The following RBKS variants were observed in gnomAD, a reference collection of about 807,000 sequenced individuals.
RBKS encodes ribokinase.
RBKS carries 33 observed loss-of-function variants against 33.9 expected under a neutral mutation model. The observed-to-expected ratio is 0.97, with a 90% CI of 0.74 to 1.30. The LOEUF is 1.30. RBKS is among the 50% of genes most tolerant of loss of function. The probability of loss-of-function intolerance (pLI) is 0.00; values close to 1 mark genes in which losing one functional copy is unlikely to be tolerated. For missense variants in RBKS, 361 were observed against 392.6 expected, an observed-to-expected ratio of 0.92 and a Z score of 0.68; for synonymous variants, 125 against 143.0, an observed-to-expected ratio of 0.87 and a Z score of 0.90.
At chr2:27,876,915 T>C (rs1664325896) in intron 1 of RBKS, among the ~76,000 whole-genome samples, 2 of 152,206 alleles carry the variant, frequency 1.3e-5, no homozygotes, top group Admixed American at 1.3e-4. Context: ...TTTGTTTTCT[T>C]TTTCAAGGAA....
chr2:27,823,028 T>C (rs1678240811), intron 7 of RBKS, among the ~76,000 whole-genome samples: 1 of 152,208 alleles, frequency 6.6e-6, no homozygotes. Context: ...TCCTAAAATA[T>C]ACCATGCTTA....
At chr2:27,879,582 G>A (rs1664380534) in intron 1 of RBKS, among the ~76,000 whole-genome samples, 1 of 151,982 alleles carries the variant, frequency 6.6e-6, no homozygotes, top group African/African-American at 2.4e-5. Context: ...CCTTGATCTT[G>A]GACTCTCCAT....
intron 7 of RBKS, among the ~76,000 whole-genome samples, chr2:27,786,369 C>T (rs569971474): frequency 2.2e-4 from 33 of 152,264 alleles, no homozygotes; most frequent in South Asian, 1.9e-3. Context: ...GCACCCTGAC[C>T]AGAGTGGAGG....
intron 5 of RBKS, among the ~76,000 whole-genome samples, chr2:27,842,747 C>G (rs191978474): frequency 5.9e-5 from 9 of 152,050 alleles, no homozygotes; most frequent in African/African-American, 2.2e-4. Context: ...ACCTCCACCT[C>G]TAGGGTTCAA....
At chr2:27,887,273 C>T (rs1664553822) in intron 1 of RBKS, among the ~76,000 whole-genome samples, 1 of 152,100 alleles carries the variant, frequency 6.6e-6, no homozygotes, top group African/African-American at 2.4e-5. Flanking sequence ...TGGGCAGCCT[C>T]TGGAAGGTGG....
intron 1 of RBKS, among the ~76,000 whole-genome samples, chr2:27,879,495 C>T (rs1664379133): frequency 6.6e-6 from 1 of 151,950 alleles, no homozygotes; most frequent in African/African-American, 2.4e-5. Context: ...AAGTTTAGCC[C>T]CCTTTTACCT....
chr2:27,783,514 GTC>G (rs1677328034), intron 7 of RBKS, among the ~76,000 whole-genome samples: 1 of 152,174 alleles, frequency 6.6e-6, no homozygotes. Context: ...TCCTGAGAAA[GTC>G]TGTGGACCTG....
intron 2 of RBKS, among the ~76,000 whole-genome samples, chr2:27,852,020 CTG>C (rs1663757430): frequency 6.6e-6 from 1 of 152,168 alleles, no homozygotes. Flanking sequence ...GATAACCTGT[CTG>C]TGTTAACTTG....
chr2:27,888,605 C>G (rs1376173556), intron 1 of RBKS, among the ~76,000 whole-genome samples: 1 of 152,074 alleles, frequency 6.6e-6, no homozygotes, highest in Non-Finnish European at 1.5e-5. Context: ...TATTTTTATA[C>G]AAAATTTAGT....
At chr2:27,787,282 A>T (rs2148180985) in intron 7 of RBKS, among the ~76,000 whole-genome samples, 1 of 152,308 alleles carries the variant, frequency 6.6e-6, no homozygotes, top group Middle Eastern at 3.4e-3. Context: ...AAACATAAAA[A>T]TTAGCTGGGC....
intron 2 of RBKS, 123 bp from the exon 3 acceptor site, chr2:27,848,220 A>C (rs1214013247): frequency 1.8e-6 from 1 of 564,740 alleles, no homozygotes; most frequent in Non-Finnish European, 3.1e-6. Context: ...ACATTAACTA[A>C]TTAATCTTCT....
rs565431244 is a variant in RBKS at position 27,795,035 on chromosome 2, C to G, written c.796-13247G>C. On this transcript the variant is annotated intron_variant, in intron 7 of 7. Transcript: ENST00000302188. The surrounding 1 kb of genome is among the most constrained non-coding windows in gnomAD (Gnocchi z 4.1). ...GGTATCCAGCGCCCTGTGCCAAGACCACCACTGGTTTCTTCTGTTTTCAAC... is the reference window on the plus strand; with the variant it reads ...GGTATCCAGCGCCCTGTGCCAAGACGACCACTGGTTTCTTCTGTTTTCAAC... Among the ~76,000 whole-genome samples, 1 of 152,294 alleles carries G rather than the reference C, an allele frequency of 6.6e-6. No individual in the cohort carries two copies. Among genetic ancestry groups the G allele is most frequent in the South Asian group, 2.1e-4 (1 of 4,830 alleles).
intron 7 of RBKS, among the ~76,000 whole-genome samples, chr2:27,807,448 C>T (rs1677916434): frequency 6.6e-6 from 1 of 152,040 alleles, no homozygotes; most frequent in Admixed American, 6.6e-5. Flanking sequence ...GGTGCAATCA[C>T]GGCTCACTGC....
intron 1 of RBKS, among the ~76,000 whole-genome samples, chr2:27,860,143 GA>G (rs966346856): frequency 2.2e-4 from 33 of 151,612 alleles, no homozygotes; most frequent in African/African-American, 5.3e-4. Context: ...TAGTACTGAT[GA>G]AAAAAAATAT....
chr2:27,880,502 T>G (rs1172335696), intron 1 of RBKS, among the ~76,000 whole-genome samples: 1 of 152,098 alleles, frequency 6.6e-6, no homozygotes, highest in Non-Finnish European at 1.5e-5. Flanking sequence ...TGCATGATTC[T>G]ATACCTAGGA....
At chr2:27,789,949 G>GTATATATATATATATA (rs35109548) in intron 7 of RBKS, among the ~76,000 whole-genome samples, 42 of 121,506 alleles carry the variant, frequency 3.5e-4, no homozygotes, top group Non-Finnish European at 4.6e-4. Flanking sequence ...ATGTATATGT[G>GTATATATATATATATA]TATATATATA....
intron 7 of RBKS, among the ~76,000 whole-genome samples, chr2:27,826,197 AG>A (rs1205552311): frequency 1.3e-5 from 2 of 152,248 alleles, no homozygotes; most frequent in Admixed American, 6.5e-5. Context: ...TATTTTTCAA[AG>A]TATATTCACA....
chr2:27,789,985 GT>G (rs1677490329), intron 7 of RBKS, among the ~76,000 whole-genome samples: 12 of 112,206 alleles, frequency 1.1e-4, no homozygotes, highest in South Asian at 5.4e-4. Flanking sequence ...ATATATATAT[GT>G]AGAGAGAGAG....
intron 1 of RBKS, among the ~76,000 whole-genome samples, chr2:27,884,832 A>G (rs1451611156): frequency 6.6e-6 from 1 of 152,204 alleles, no homozygotes; most frequent in Admixed American, 6.5e-5. Context: ...GCACGTCTCA[A>G]AGCAAGTTTT....
Sources: gnomAD v4.1 joint callset for allele counts (sites outside exome capture counted in the v4.1 genomes callset) on GRCh38, gnomAD v4.1.1 for gene constraint, Gnocchi (gnomAD v3.1) non-coding constraint, MANE v1.5 for transcripts, NCBI Gene and HGNC (gene_info 2026-07-23, HGNC 2026-07-21) for gene names.